CNKSR2: variants seen among roughly 807,000 people sequenced by gnomAD.
The protein encoded by CNKSR2 is connector enhancer of kinase suppressor of Ras 2.
A neutral mutation model predicts 84.4 loss-of-function variants in CNKSR2; 14 were observed. The ratio of observed to expected loss-of-function variants is 0.17; its 90% CI spans 0.11 to 0.26. The LOEUF is 0.26. Among genes scored for constraint, CNKSR2 ranks in the 10% least tolerant of loss-of-function variants. The probability of loss-of-function intolerance (pLI) is 1.00; values close to 1 mark genes in which losing one functional copy is unlikely to be tolerated. For missense variants in CNKSR2, 485 were observed against 771.2 expected, an observed-to-expected ratio of 0.63 and a Z score of 4.40; for synonymous variants, 275 against 277.9, an observed-to-expected ratio of 0.99 and a Z score of 0.10.
At chrX:21,441,523 A>T (rs894902545) in intron 4 of CNKSR2, 1 of 112,327 alleles carries the variant, frequency 8.9e-6, no homozygotes, top group Non-Finnish European at 1.9e-5. Context: ...ATCAAAAAAC[A>T]AAAAAGAATG....
rs1332427369 is a variant in CNKSR2, at chrX:21,593,311, CTT to C, written c.1831-1659_1831-1658del. 3.6e-5 allele frequency: 4 copies of C among 111,985 alleles called. No individual in the cohort carries two copies. In the East Asian group the frequency reaches 8.3e-4, roughly 23 times the overall value. 9.2% of individuals were successfully genotyped at this position (111,985 alleles called of 1,213,427 possible). A position where few individuals can be genotyped will look rare whatever the true frequency, so the allele number is the denominator to read the frequency against. ...AATACTGAAAAAGTTTAATACTACT[CTT>C]TTTCATAACACATATTCAGTCACTA... On this transcript the variant is annotated intron_variant, in intron 15 of 21. Transcript: ENST00000379510.
chrX:21,412,172 G>A (rs1470240725), intron 1 of CNKSR2, among the ~76,000 whole-genome samples: 3 of 111,722 alleles, frequency 2.7e-5, no homozygotes, highest in Non-Finnish European at 5.7e-5. Context: ...GATTAGACGT[G>A]TCCTCAGAAG....
intron 1 of CNKSR2, among the ~76,000 whole-genome samples, chrX:21,395,863 T>C (rs1392379317): frequency 9.0e-6 from 1 of 111,673 alleles, no homozygotes; most frequent in Non-Finnish European, 1.9e-5. Context: ...CGAAACTGTA[T>C]GTGCTTTACA....
rs747879926 is a variant in CNKSR2, at chrX:21,642,585, T to A, written c.2693-6246T>A. On this transcript the variant is annotated intron_variant, in intron 20 of 21. Transcript: ENST00000379510. ...TAATAATTTTAATGCTAATTAATGA[T>A]ATTTCATACTGTGCAATGAACAGAT... 32 of 739,815 alleles carry A rather than the reference T, an allele frequency of 4.3e-5. No homozygotes were observed. The East Asian group carries it at 4.7e-3, about 109-fold the overall frequency. 61.0% of individuals were successfully genotyped at this position (739,815 alleles called of 1,213,427 possible). A position where few individuals can be genotyped will look rare whatever the true frequency, so the allele number is the denominator to read the frequency against.
intron 13 of CNKSR2, among the ~76,000 whole-genome samples, chrX:21,576,596 ACAT>A (rs2092320589): frequency 8.9e-6 from 1 of 111,742 alleles, no homozygotes; most frequent in Admixed American, 9.5e-5. Flanking sequence ...AAATTGACGA[ACAT>A]CTAGCAAGAC....
chrX:21,535,881 TG>T (rs1483468623), intron 11 of CNKSR2, among the ~76,000 whole-genome samples: 1 of 111,701 alleles, frequency 9.0e-6, no homozygotes, highest in Admixed American at 9.5e-5. Context: ...CTAATTTCTC[TG>T]GTTAGCATTT....
intron 13 of CNKSR2, among the ~76,000 whole-genome samples, chrX:21,572,560 A>G (rs1009606656): frequency 9.0e-6 from 1 of 111,587 alleles, no homozygotes; most frequent in African/African-American, 3.3e-5. Flanking sequence ...GCCTCAGGAA[A>G]CTTACAATCA....
chrX:21,508,440 A>G (rs745496241), intron 8 of CNKSR2, among the ~76,000 whole-genome samples: 1 of 112,564 alleles, frequency 8.9e-6, no homozygotes, highest in African/African-American at 3.2e-5. Context: ...TTTACCTTTC[A>G]CTACAATGTA....
chrX:21,528,507 T>C (rs1429880789), intron 10 of CNKSR2, among the ~76,000 whole-genome samples: 2 of 111,356 alleles, frequency 1.8e-5, no homozygotes, highest in Non-Finnish European at 3.8e-5. Flanking sequence ...ACAGAAAATA[T>C]TTAAAATACA....
chrX:21,381,216 C>G (rs2089894536), intron 1 of CNKSR2, among the ~76,000 whole-genome samples: 1 of 111,176 alleles, frequency 9.0e-6, no homozygotes, highest in Non-Finnish European at 1.9e-5. Flanking sequence ...ATGTAGAAAG[C>G]AAAATTGGCA....
intron 1 of CNKSR2, among the ~76,000 whole-genome samples, chrX:21,402,707 C>T (rs1274888563): frequency 9.0e-6 from 1 of 110,904 alleles, no homozygotes; most frequent in East Asian, 2.8e-4. Flanking sequence ...TTAAATTGAT[C>T]TGTTGAATCC....
At chrX:21,577,377 A>C (rs1029321810) in intron 13 of CNKSR2, among the ~76,000 whole-genome samples, 2 of 111,501 alleles carry the variant, frequency 1.8e-5, no homozygotes, top group Non-Finnish European at 3.8e-5. Context: ...TTGAATTATA[A>C]ATTTATTAAA....
At chrX:21,585,337 A>C (rs937567331) in intron 13 of CNKSR2, among the ~76,000 whole-genome samples, 10 of 107,100 alleles carry the variant, frequency 9.3e-5, no homozygotes, top group Admixed American at 3.1e-4. Flanking sequence ...GGGTAAGAGC[A>C]GAAGCAGGGA....
rs779324719 is a variant in CNKSR2 at position 21,501,543 on chromosome X, A to G, written c.765A>G (p.Lys255=). The part of the protein sequence containing the change: ...TENSPADRCK[K]IHAGDEVIQV... ...AGTCACCTGCAGATCGGTGCAAGAA[A>G]ATCCATGCTGGCGATGAAGTGATTC... The change falls in exon 8 of 22, where the codon AAA becomes AAG. Residue 255 remains lysine (K), a synonymous_variant. Coordinates refer to ENST00000379510, the MANE Select transcript of CNKSR2 (RefSeq NM_014927.5). 36 of 1,171,233 alleles carry G rather than the reference A, an allele frequency of 3.1e-5. No individual in the cohort carries two copies. The Middle Eastern group carries it at 6.9e-3, about 226-fold the overall frequency.
At chrX:21,593,060 G>A (rs2092430548) in intron 15 of CNKSR2, 2 of 110,510 alleles carry the variant, frequency 1.8e-5, no homozygotes, top group Non-Finnish European at 3.8e-5. Flanking sequence ...AGTATACATT[G>A]CAAGAAATAC....
chrX:21,526,948 G>C lies in CNKSR2; in HGVS notation c.1039G>C (p.Ala347Pro). The stretch of plus-strand genomic sequence containing the variant: ...TACACCCACCAAAAGAGACAGTTCT[G>C]CCCTCCAGGATCTCTACATTCCCCC... ...ISTPTKRDSS[A>P]LQDLYIPPPP... is the part of the protein sequence containing the mutation. Residue 347 changes from alanine (A) to proline (P), a missense_variant, in exon 10 of 22, where the codon GCC (alanine) becomes CCC (proline). Ala to Pro is a conservative substitution (Grantham distance 27). Coordinates refer to ENST00000379510, the MANE Select transcript of CNKSR2 (RefSeq NM_014927.5). The C allele has an allele frequency of 8.3e-7, 1 of 1,205,316 alleles. No homozygotes were observed. The highest frequency in any genetic ancestry group is 3.0e-5 in the East Asian group (1 of 33,715).
At chrX:21,628,034 G>T (rs1012505784) in intron 20 of CNKSR2, among the ~76,000 whole-genome samples, 1 of 111,649 alleles carries the variant, frequency 9.0e-6, no homozygotes, top group Admixed American at 9.5e-5. Context: ...GATACACTGG[G>T]GGGTACAGGC....
At chrX:21,492,911 A>G (rs2091456842) in intron 6 of CNKSR2, 1 of 112,178 alleles carries the variant, frequency 8.9e-6, no homozygotes, top group South Asian at 3.7e-4. Flanking sequence ...AATTAGCCAT[A>G]GTAAATGTCT....
intron 16 of CNKSR2, 76 bp from the exon 17 acceptor site, chrX:21,595,248 A>G (rs1469546691): frequency 1.4e-5 from 11 of 788,568 alleles, no homozygotes; most frequent in Non-Finnish European, 2.1e-5. Flanking sequence ...ATGTTGAGGT[A>G]ATTTTGCCCG....
Sources: allele counts gnomAD v4.1 joint callset (sites outside exome capture counted in the v4.1 genomes callset), GRCh38; gene constraint gnomAD v4.1.1; transcripts MANE v1.5; gene names NCBI Gene and HGNC (gene_info 2026-07-23, HGNC 2026-07-21).